ZBTB40: variants seen among roughly 807,000 people sequenced by gnomAD.
ZBTB40 encodes the protein zinc finger and BTB domain containing 40.
A neutral mutation model predicts 117.5 loss-of-function variants in ZBTB40; 60 were observed. The ratio of observed to expected loss-of-function variants is 0.51; its 90% CI spans 0.41 to 0.63. ZBTB40 has a LOEUF of 0.63. ZBTB40 is among the 30% of genes least tolerant of loss of function. The pLI is 0.00. For missense variants in ZBTB40, 1,287 were observed against 1,498.5 expected (o/e 0.86, Z 2.33); for synonymous variants, 525 against 577.1 (o/e 0.91, Z 1.29).
chr1:22,431,665 G>A (rs1640592240), intron 1 of ZBTB40, among the ~76,000 whole-genome samples: 1 of 151,754 alleles, frequency 6.6e-6, no homozygotes, highest in African/African-American at 2.4e-5. Flanking sequence ...GAACCCTGGA[G>A]ACAGAGGTTG....
At chr1:22,462,127 C>T (rs1286459901) in intron 1 of ZBTB40, among the ~76,000 whole-genome samples, 1 of 152,130 alleles carries the variant, frequency 6.6e-6, no homozygotes, top group Non-Finnish European at 1.5e-5. Flanking sequence ...ATAGGGTATC[C>T]TTGTAATGCC....
rs1569869863 is a variant in ZBTB40, at chr1:22,511,486, A to C, written c.2002+139A>C. Reference sequence around the variant, plus strand: ...TTTTATATGCTCTGAATACCTAAAAAAGTCATGAGACATAGGGGGAAAATG... The same window carrying C: ...TTTTATATGCTCTGAATACCTAAAACAGTCATGAGACATAGGGGGAAAATG... On this transcript the variant is annotated intron_variant, in intron 10 of 17. Transcript: ENST00000375647. 3.0e-6 allele frequency: 4 copies of C among 1,327,218 alleles called. No individual in the cohort carries two copies. In the East Asian group the frequency reaches 7.5e-5, roughly 25 times the overall value. The allele number at this position is 1,327,218 out of a possible 1,614,324, so 82.2% of individuals were successfully genotyped here. A position where few individuals can be genotyped will look rare whatever the true frequency, so the allele number is the denominator to read the frequency against.
At chr1:22,501,771 T>A in intron 4 of ZBTB40, 87 bp downstream of exon 4, 1 of 1,418,902 alleles carries the variant, frequency 7.0e-7, no homozygotes, top group Non-Finnish European at 9.7e-7. Context: ...GTTTCTTTGG[T>A]GGCTTAGTTA....
intron 5 of ZBTB40, 29 bp from the exon 6 acceptor site, chr1:22,506,020 G>A (rs1175176347): frequency 1.2e-6 from 2 of 1,613,110 alleles, no homozygotes; most frequent in Non-Finnish European, 1.7e-6. Context: ...GCCAGTAACT[G>A]GTGTCTGGTT....
intron 3 of ZBTB40, among the ~76,000 whole-genome samples, chr1:22,499,940 C>T (rs184975231): frequency 8.1e-4 from 124 of 152,148 alleles, no homozygotes; most frequent in South Asian, 2.1e-3. Context: ...GGTGGGGAGA[C>T]GTGTGTGTGT....
At chr1:22,482,296 G>T (rs1638341473) in intron 1 of ZBTB40, among the ~76,000 whole-genome samples, 1 of 152,136 alleles carries the variant, frequency 6.6e-6, no homozygotes, top group African/African-American at 2.4e-5. Context: ...ATTTATTTCA[G>T]CAAATCTTTA....
chr1:22,447,646 C>T (rs1056355471), upstream of ZBTB40, among the ~76,000 whole-genome samples: 3 of 152,174 alleles, frequency 2.0e-5, no homozygotes, highest in East Asian at 1.9e-4. Flanking sequence ...GCAACCAAGG[C>T]GAGGGATTCA....
intron 15 of ZBTB40, 108 bp downstream of exon 15, chr1:22,521,766 T>A (rs774983770): frequency 1.9e-4 from 288 of 1,510,752 alleles, no homozygotes; most frequent in Admixed American, 5.3e-4. Context: ...TGTGCAGTGG[T>A]CATTGCCTTT....
intron 3 of ZBTB40, among the ~76,000 whole-genome samples, chr1:22,496,075 A>C (rs1638766151): frequency 6.6e-6 from 1 of 152,254 alleles, no homozygotes; most frequent in Admixed American, 6.5e-5. Context: ...CTATAGATCG[A>C]GAACAGCATG....
chr1:22,449,238 G>T (rs1235376463), upstream of ZBTB40, among the ~76,000 whole-genome samples: 4 of 152,242 alleles, frequency 2.6e-5, no homozygotes, highest in East Asian at 7.7e-4. Flanking sequence ...ACACTGGGTG[G>T]TGGCATGGGA....
chr1:22,432,886 G>T (rs1399825889), intron 1 of ZBTB40, among the ~76,000 whole-genome samples: 1 of 152,192 alleles, frequency 6.6e-6, no homozygotes, highest in Non-Finnish European at 1.5e-5. Context: ...TGAATGTATC[G>T]TCTAAGTGCT....
rs768830516 is a variant in ZBTB40, at chr1:22,512,886, G to A, written c.2462-38G>A. The A allele has an allele frequency of 3.1e-6, 5 of 1,606,498 alleles. 1 individual carries two copies. Among genetic ancestry groups the A allele is most frequent in the East Asian group, 2.2e-5 (1 of 44,842 alleles). Reference sequence around the variant, plus strand: ...GCTAGATTCCTAACACTGATTAGTAGCATCTCTTCTGGCCTCTGGTGTGCT... The same window carrying A: ...GCTAGATTCCTAACACTGATTAGTAACATCTCTTCTGGCCTCTGGTGTGCT... On this transcript the variant is annotated intron_variant, in intron 11 of 17. Transcript: ENST00000375647.
intron 1 of ZBTB40, among the ~76,000 whole-genome samples, chr1:22,444,000 G>A (rs1385004051): frequency 6.6e-6 from 1 of 152,150 alleles, no homozygotes; most frequent in African/African-American, 2.4e-5. Flanking sequence ...TGAAGAATGG[G>A]GGTCCCTTTG....
At chr1:22,439,975 T>C (rs752048568) in intron 1 of ZBTB40, among the ~76,000 whole-genome samples, 7 of 152,232 alleles carry the variant, frequency 4.6e-5, no homozygotes, top group Non-Finnish European at 2.9e-5. Flanking sequence ...CGTGTTTCCA[T>C]TTATTTATGT....
At chr1:22,501,881 C>T (rs932136527) in intron 4 of ZBTB40, among the ~76,000 whole-genome samples, 197 bp downstream of exon 4, 3 of 152,212 alleles carry the variant, frequency 2.0e-5, no homozygotes, top group African/African-American at 7.2e-5. Flanking sequence ...CCACAGTTAA[C>T]TAGTCTGACA....
At position 22,508,836 on chromosome 1, in the gene ZBTB40, A is replaced by G. The variant is rs555702127; in HGVS notation, c.1699+105A>G. On this transcript the variant is annotated intron_variant, in intron 8 of 17. Transcript: ENST00000375647. ...CTTAACGGTAGTCACCTACATCCCT[A>G]CTATTAGAAGTAAGGACTGGCAGTT... The G allele has an allele frequency of 9.2e-5, 115 of 1,250,630 alleles. 2 individuals are homozygous for G. In the Admixed American group the frequency reaches 2.2e-3, roughly 24 times the overall value. 77.5% of individuals were successfully genotyped at this position (1,250,630 alleles called of 1,614,324 possible).
chr1:22,490,617 T>G lies in ZBTB40; in HGVS notation c.669T>G (p.Ser223Arg). 1.2e-6 allele frequency: 2 copies of G among 1,613,870 alleles called. No homozygotes were observed. The highest frequency in any genetic ancestry group is 1.7e-6 in the Non-Finnish European group (2 of 1,180,038). The change falls in exon 2 of 18, where the codon AGT becomes AGG. Residue 223 changes from serine to arginine, a missense_variant. Physicochemically the swap from Ser to Arg is moderately radical, Grantham distance 110. Transcript: ENST00000375647. Reference protein sequence around the residue: ...CSPSPAVQTFSEAKKTSTEPG... With the variant: ...CSPSPAVQTFREAKKTSTEPG... ...CCTCCCCTGCTGTGCAAACCTTTAG[T>G]GAGGCAAAGAAGACAAGCACAGAAC...
rs1188840831 is a variant in ZBTB40, at chr1:22,490,248, A to G, written c.300A>G (p.Leu100=). Residue 100 remains leucine, a synonymous_variant, in exon 2 of 18, where the codon CTA becomes CTG. Coordinates refer to ENST00000375647, the MANE Select transcript of ZBTB40 (RefSeq NM_014870.4). ...FSKIISLADS[L]QMFDVAVSCK... ...AAATCATCTCCTTAGCAGACAGTCT[A>G]CAGATGTTTGATGTAGCTGTTAGCT... The G allele has an allele frequency of 1.2e-6, 2 of 1,614,214 alleles. No individual in the cohort carries two copies. Among genetic ancestry groups the G allele is most frequent in the South Asian group, 1.1e-5 (1 of 91,090 alleles).
intron 1 of ZBTB40, among the ~76,000 whole-genome samples, chr1:22,473,189 C>T (rs1280706086): frequency 6.6e-6 from 1 of 152,156 alleles, no homozygotes; most frequent in Non-Finnish European, 1.5e-5. Flanking sequence ...TCACCCGGAG[C>T]GTATTAAAAA....
Sources: gnomAD v4.1 joint callset for allele counts (sites outside exome capture counted in the v4.1 genomes callset) on GRCh38, gnomAD v4.1.1 for gene constraint, MANE v1.5 for transcripts, NCBI Gene and HGNC (gene_info 2026-07-23, HGNC 2026-07-21) for gene names.